SMG1: variants seen among roughly 807,000 people sequenced by gnomAD.
The protein encoded by SMG1 is serine/threonine-protein kinase SMG1.
A neutral mutation model predicts 419.9 loss-of-function variants in SMG1; 22 were observed. The ratio of observed to expected loss-of-function variants is 0.05; its 90% CI spans 0.04 to 0.07. The LOEUF is 0.07. Among genes scored for constraint, SMG1 ranks in the 10% least tolerant of loss-of-function variants. The probability of loss-of-function intolerance (pLI) is 1.00; values close to 1 mark genes in which losing one functional copy is unlikely to be tolerated. For synonymous variants in SMG1, 1,538 were observed against 1,553.5 expected, an observed-to-expected ratio of 0.99 and a Z score of 0.23; for missense variants, 3,185 against 4,342.0, an observed-to-expected ratio of 0.73 and a Z score of 7.49.
At position 18,808,681 on chromosome 16, in the gene SMG1, G is replaced by A. The variant is rs2031080545; in HGVS notation, c.*888C>T. The A allele has an allele frequency of 6.6e-6, 1 of 152,626 alleles. No homozygotes were observed. Among genetic ancestry groups the A allele is most frequent in the African/African-American group, 2.4e-5 (1 of 41,450 alleles). 9.5% of individuals were successfully genotyped at this position (152,626 alleles called of 1,614,324 possible). A position where few individuals can be genotyped will look rare whatever the true frequency, so the allele number is the denominator to read the frequency against. On this transcript the variant is annotated 3_prime_UTR_variant, in exon 63 of 63. Transcript: ENST00000446231. ...GATTCATTACTTTTGAATGCACAGT[G>A]ACAATTCTGGAAACTGTACATGATA...
rs57393561 is a variant in SMG1, at chr16:18,887,762, TAAAAAAAAAAAAAAAAAAAAAA to T, written c.822+1588_822+1609del. ...CCAAAATAAAGCATATCAAAAACAG[TAAAAAAAAAAAAAAAAAAAAAA>T]AAAAAAAAAAAAAAACCCTAATATC... On this transcript the variant is annotated intron_variant, in intron 6 of 62. Transcript: ENST00000446231. 1.8e-3 allele frequency among the ~76,000 whole-genome samples: 68 copies of T among 38,298 alleles called. 4 individuals carry two copies. Among genetic ancestry groups the T allele is most frequent in the African/African-American group, 6.2e-3 (57 of 9,176 alleles). 25.1% of individuals were successfully genotyped at this position (38,298 alleles called of 152,430 possible). A position where few individuals can be genotyped will look rare whatever the true frequency, so the allele number is the denominator to read the frequency against.
intron 55 of SMG1, 24 bp downstream of exon 55, chr16:18,828,007 G>A (rs2032872313): frequency 3.7e-6 from 6 of 1,603,248 alleles, no homozygotes; most frequent in East Asian, 2.2e-5. Context: ...AAATGCCCTG[G>A]AAGGAAGATC....
chr16:18,842,657 T>A (rs2033991257), intron 39 of SMG1, among the ~76,000 whole-genome samples: 1 of 152,106 alleles, frequency 6.6e-6, no homozygotes, highest in Non-Finnish European at 1.5e-5. Context: ...AAACCCCATC[T>A]CTACAAAGAA....
intron 37 of SMG1, 96 bp from the exon 38 acceptor site, chr16:18,847,703 G>A (rs984980336): frequency 6.3e-7 from 1 of 1,576,062 alleles, no homozygotes; most frequent in Middle Eastern, 2.2e-4. Flanking sequence ...TGTGCAATTG[G>A]TGCTCATTAT....
chr16:18,852,026 T>C (rs368183432), intron 33 of SMG1, 41 bp downstream of exon 33: 59 of 1,554,450 alleles, frequency 3.8e-5, no homozygotes, highest in Non-Finnish European at 4.2e-5. Flanking sequence ...AATCAATGAT[T>C]TGGAGTAGCA....
chr16:18,858,953 A>T, intron 28 of SMG1, 69 bp downstream of exon 28: 4 of 931,952 alleles, frequency 4.3e-6, no homozygotes, highest in East Asian at 2.8e-5. Context: ...AAACTAAAAA[A>T]ATAAGGTCTT....
At position 18,850,033 on chromosome 16, in the gene SMG1, G is replaced by A; in HGVS notation, c.5377C>T (p.Leu1793=). 6.2e-7 allele frequency: 1 copy of A among 1,614,004 alleles called. No individual in the cohort carries two copies. The highest frequency in any genetic ancestry group is 8.5e-7 in the Non-Finnish European group (1 of 1,179,892). The change falls in exon 35 of 63, where the codon CTG becomes TTG. Residue 1793 remains leucine, a synonymous_variant. Transcript: ENST00000446231. ...DMIVMATLRL[L]RLLVKHAGEL... is the part of the protein sequence containing the mutation. Reference sequence around the variant, plus strand: ...CCAGCATGCTTCACGAGCAACCGCAGCAGGCGCAATGTGGCCATCACAATC... The same window carrying A: ...CCAGCATGCTTCACGAGCAACCGCAACAGGCGCAATGTGGCCATCACAATC...
chr16:18,854,082 C>CTT (rs11448105), intron 30 of SMG1, among the ~76,000 whole-genome samples: 29,814 of 83,950 alleles, frequency 0.36, 6,628 homozygotes, highest in African/African-American at 0.44. Flanking sequence ...AAATACTAAA[C>CTT]TTTTTTTTTT....
At chr16:18,872,893 C>A (rs1404455330) in intron 13 of SMG1, among the ~76,000 whole-genome samples, 5 of 152,242 alleles carry the variant, frequency 3.3e-5, no homozygotes, top group East Asian at 1.9e-4. Flanking sequence ...GTGGCTCACA[C>A]CTGTAATCCT....
Position 18,838,242 on chromosome 16 carries a change from G to GGA in SMG1, c.7195-12_7195-11dup. ...GCATAATGTGTAAAACCTGTTTTCA[G>GGA]GAGAGTTTTTAAAATAAGGTCTGCC... On this transcript the variant is annotated splice_polypyrimidine_tract_variant and intron_variant, in intron 44 of 62. Coordinates refer to ENST00000446231, the MANE Select transcript of SMG1 (RefSeq NM_015092.5). 1 of 1,609,174 alleles carries GGA rather than the reference G, an allele frequency of 6.2e-7. No individual in the cohort carries two copies. Among genetic ancestry groups the GGA allele is most frequent in the Non-Finnish European group, 8.5e-7 (1 of 1,177,100 alleles).
chr16:18,829,408 C>T lies in SMG1; in HGVS notation c.9481G>A (p.Val3161Met). ...FSQLVMNRAT[V>M]LASSYDTAWK... ...GCAGTGTCGTAAGAACTTGCTAACA[C>T]AGTTGCCCTGTTCATAACCAGCTGA... The change falls in exon 54 of 63, where the codon GTG becomes ATG. Residue 3161 changes from valine to methionine, a missense_variant. By Grantham distance (21) the Val-to-Met change is conservative. Transcript: ENST00000446231. 1 of 1,614,010 alleles carries T rather than the reference C, an allele frequency of 6.2e-7. No individual in the cohort carries two copies.
intron 1 of SMG1, among the ~76,000 whole-genome samples, chr16:18,923,756 C>T (rs1445460315): frequency 6.6e-6 from 1 of 152,098 alleles, no homozygotes; most frequent in East Asian, 1.9e-4. Flanking sequence ...AATAAATGTG[C>T]CTGCATCTGA....
At chr16:18,883,410 G>T (rs1451322293) in intron 9 of SMG1, among the ~76,000 whole-genome samples, 1 of 152,202 alleles carries the variant, frequency 6.6e-6, no homozygotes, top group Non-Finnish European at 1.5e-5. Flanking sequence ...ATCTTTAGGG[G>T]CTTTTGGTGT....
chr16:18,903,934 C>T (rs867324788), intron 1 of SMG1, among the ~76,000 whole-genome samples: 43 of 99,822 alleles, frequency 4.3e-4, no homozygotes, highest in African/African-American at 1.1e-3. Context: ...TATGTCTTGT[C>T]TTTTTTTTTT....
Position 18,819,667 on chromosome 16 carries a change from G to A in SMG1, c.9742-13C>T, listed in dbSNP as rs777940715. ...CAGCTAGCTTCTCCTATAAAAGCCAGCAGAATCTTGGTGAAGGTATATGAC... is the reference window on the plus strand; with the variant it reads ...CAGCTAGCTTCTCCTATAAAAGCCAACAGAATCTTGGTGAAGGTATATGAC... On this transcript the variant is annotated splice_polypyrimidine_tract_variant and intron_variant, in intron 55 of 62. Transcript: ENST00000446231. 1.3e-6 allele frequency: 2 copies of A among 1,537,772 alleles called. No individual in the cohort carries two copies. Among genetic ancestry groups the A allele is most frequent in the South Asian group, 2.5e-5 (2 of 79,880 alleles).
intron 30 of SMG1, 128 bp from the exon 31 acceptor site, chr16:18,853,995 C>G (rs1025120910): frequency 6.9e-6 from 5 of 728,700 alleles, no homozygotes; most frequent in Non-Finnish European, 1.1e-5. Flanking sequence ...AACTCCTATG[C>G]TCAAGCATAG....
chr16:18,918,109 G>A (rs1249731533), intron 1 of SMG1, among the ~76,000 whole-genome samples: 1 of 151,608 alleles, frequency 6.6e-6, no homozygotes, highest in Non-Finnish European at 1.5e-5. Context: ...AAATACAAAA[G>A]ATTAGCCGGG....
At chr16:18,924,832 G>A (rs1001163922) in intron 1 of SMG1, 4 of 152,088 alleles carry the variant, frequency 2.6e-5, no homozygotes, top group African/African-American at 4.8e-5. Context: ...TTTTTCTAAC[G>A]AGTCTTCAAA....
intron 13 of SMG1, chr16:18,875,317 A>G (rs2036062750): frequency 6.6e-6 from 1 of 152,598 alleles, no homozygotes; most frequent in Admixed American, 6.5e-5. Flanking sequence ...CCGGCTGGGC[A>G]TGGTGGTGCC....
Sources: gnomAD v4.1 joint callset for allele counts (sites outside exome capture counted in the v4.1 genomes callset) on GRCh38, gnomAD v4.1.1 for gene constraint, MANE v1.5 for transcripts, NCBI Gene and HGNC (gene_info 2026-07-23, HGNC 2026-07-21) for gene names.